Variants in ANK2 observed in about 807,000 individuals in gnomAD.
The protein encoded by ANK2 is ankyrin-2.
In ANK2, 83 loss-of-function variants were observed where a neutral mutation model predicts 360.5. The observed-to-expected ratio is 0.23, with a 90% CI of 0.19 to 0.28. The LOEUF (loss-of-function observed/expected upper bound fraction) is 0.28. Ranked by LOEUF, ANK2 falls within the 10% of genes least tolerant of loss-of-function variation. The pLI is 1.00. For missense variants in ANK2, 4,201 were observed against 4,795.7 expected (o/e 0.88, Z 3.66); for synonymous variants, 1,740 against 1,759.5 (o/e 0.99, Z 0.28).
intron 4 of ANK2, among the ~76,000 whole-genome samples, chr4:113,199,434 CTA>C (rs1323938014): frequency 1.3e-5 from 2 of 152,060 alleles, no homozygotes; most frequent in African/African-American, 4.8e-5. Context: ...TCGTGTTACT[CTA>C]TAAAAGTATT....
Position 113,341,730 on chromosome 4 carries a change from T to C in ANK2, c.3936T>C (p.Thr1312=). ...GTCGACAGATCCAGGAATCCGTTAC[T>C]TTTGCATCACAAGTATACAGAGAAA... ...IDCRQIQESV[T]FASQVYREII... The change falls in exon 33 of 46, where the codon ACT becomes ACC. Residue 1312 remains threonine (T), a synonymous_variant. Transcript: ENST00000357077. 6.2e-7 allele frequency: 1 copy of C among 1,614,186 alleles called. No homozygotes were observed. Among genetic ancestry groups the C allele is most frequent in the South Asian group, 1.1e-5 (1 of 91,082 alleles).
the ANK2 span, among the ~76,000 whole-genome samples, chr4:112,761,905 A>G: frequency 2.6e-5 from 4 of 152,236 alleles, no homozygotes; most frequent in African/African-American, 4.8e-5. Flanking sequence ...TACGTTCTTA[A>G]GAAATATTGA....
intron 1 of ANK2, among the ~76,000 whole-genome samples, chr4:113,159,008 T>C (rs1427669664): frequency 6.6e-6 from 1 of 152,154 alleles, no homozygotes; most frequent in Non-Finnish European, 1.5e-5. Flanking sequence ...AAAGGTAAGG[T>C]AATATCCTCC....
chr4:113,282,975 A>C, intron 18 of ANK2, 103 bp downstream of exon 18: 1 of 1,288,278 alleles, frequency 7.8e-7, no homozygotes, highest in Non-Finnish European at 1.1e-6. Context: ...TATTAAAAAG[A>C]AACAGGGATA....
At chr4:113,280,828 C>T (rs558148368) in intron 17 of ANK2, among the ~76,000 whole-genome samples, 1 of 152,274 alleles carries the variant, frequency 6.6e-6, no homozygotes, top group East Asian at 1.9e-4. Flanking sequence ...CTAAAATATC[C>T]CTGTACCTAA....
intron 2 of ANK2, among the ~76,000 whole-genome samples, chr4:112,934,767 A>G (rs766893134): frequency 1.3e-5 from 2 of 152,232 alleles, no homozygotes; most frequent in Admixed American, 1.3e-4. Context: ...GTGGAAGGTG[A>G]CAGAAAAATG....
intron 11 of ANK2, among the ~76,000 whole-genome samples, chr4:113,257,543 A>G (rs900384761): frequency 1.1e-4 from 16 of 152,236 alleles, no homozygotes; most frequent in African/African-American, 3.6e-4. Flanking sequence ...TCTGCTGACT[A>G]GAAATATGCC....
chr4:113,369,466 G>A (rs1182501149), intron 42 of ANK2, 48 bp from the exon 43 acceptor site: 1 of 1,596,688 alleles, frequency 6.3e-7, no homozygotes. Flanking sequence ...TTGAGCAGGA[G>A]GTGAAATGCA....
the ANK2 span, among the ~76,000 whole-genome samples, chr4:112,719,676 T>C: frequency 2.1e-5 from 3 of 145,830 alleles, no homozygotes; most frequent in Non-Finnish European, 4.5e-5. Context: ...TGCTGTGAGC[T>C]GAGATCGCCG....
chr4:113,348,044 T>C, intron 35 of ANK2: 1 of 557,938 alleles, frequency 1.8e-6, no homozygotes. Flanking sequence ...TTAGTATATT[T>C]ATAATGTTGG....
chr4:113,243,786 A>G (rs2153579360), intron 9 of ANK2, among the ~76,000 whole-genome samples: 1 of 152,336 alleles, frequency 6.6e-6, no homozygotes, highest in African/African-American at 2.4e-5. Flanking sequence ...CATTACAAAC[A>G]TACTTTACTA....
intron 28 of ANK2, among the ~76,000 whole-genome samples, chr4:113,332,727 G>T (rs2092753944): frequency 6.6e-6 from 1 of 152,206 alleles, no homozygotes; most frequent in Non-Finnish European, 1.5e-5. Flanking sequence ...TAGGAGATTG[G>T]CAGACATCAT....
chr4:113,324,496 A>G (rs2088553004), intron 26 of ANK2, among the ~76,000 whole-genome samples: 1 of 152,188 alleles, frequency 6.6e-6, no homozygotes, highest in Admixed American at 6.5e-5. Context: ...TTGTGTTTTT[A>G]TTTTTGAAAA....
intron 1 of ANK2, among the ~76,000 whole-genome samples, chr4:113,125,988 G>A (rs539377242): frequency 1.3e-5 from 2 of 152,256 alleles, no homozygotes; most frequent in Admixed American, 1.3e-4. Flanking sequence ...TTTTATGGAA[G>A]TTATTAAGAC....
chr4:113,169,234 A>G (rs1403817389), intron 1 of ANK2, among the ~76,000 whole-genome samples: 1 of 152,094 alleles, frequency 6.6e-6, no homozygotes, highest in African/African-American at 2.4e-5. Flanking sequence ...TATTTTTTTG[A>G]TAAGGAAATT....
intron 1 of ANK2, among the ~76,000 whole-genome samples, chr4:113,061,296 T>C (rs1464908347): frequency 6.6e-6 from 1 of 152,108 alleles, no homozygotes; most frequent in African/African-American, 2.4e-5. Context: ...CTTGATCAGA[T>C]AAAAAATTAC....
chr4:112,718,949 G>A, the ANK2 span, among the ~76,000 whole-genome samples: 17 of 140,932 alleles, frequency 1.2e-4, no homozygotes, highest in Non-Finnish European at 2.2e-4. Flanking sequence ...ATGAGCCACC[G>A]CTCCCGGTCA....
the ANK2 span, among the ~76,000 whole-genome samples, chr4:112,723,226 C>T: frequency 0.27 from 40,675 of 152,108 alleles, 5,879 homozygotes; most frequent in East Asian, 0.35. Flanking sequence ...TTCATTACTG[C>T]AGTGGAAGGG....
chr4:113,328,098 G>A (rs1211396587), intron 26 of ANK2, among the ~76,000 whole-genome samples: 3 of 152,130 alleles, frequency 2.0e-5, no homozygotes, highest in Non-Finnish European at 4.4e-5. Context: ...AATAAATGTA[G>A]TGGAGAGGTT....
Sources: gnomAD v4.1 joint callset for allele counts (sites outside exome capture counted in the v4.1 genomes callset) on GRCh38, gnomAD v4.1.1 for gene constraint, MANE v1.5 for transcripts, NCBI Gene and HGNC (gene_info 2026-07-23, HGNC 2026-07-21) for gene names.